The following TFEC variants were observed in gnomAD, a reference collection of about 807,000 sequenced individuals.
TFEC encodes the protein class E basic helix-loop-helix protein 34.
In TFEC, 31 loss-of-function variants were observed where a neutral mutation model predicts 41.6. The ratio of observed to expected loss-of-function variants is 0.74; its 90% confidence interval spans 0.56 to 1.01. The LOEUF (loss-of-function observed/expected upper bound fraction) is 1.01, where lower values mean the gene tolerates loss of function less well. Among genes scored for constraint, TFEC ranks in the 50% least tolerant of loss-of-function variants. The probability of loss-of-function intolerance (pLI) is 0.00; values close to 1 mark genes in which losing one functional copy is unlikely to be tolerated. For missense variants in TFEC, 402 were observed against 404.1 expected (o/e 0.99, Z 0.04); for synonymous variants, 143 against 140.6 (o/e 1.02, Z -0.12).
At chr7:116,005,067 C>T (rs943816930) in intron 1 of TFEC, among the ~76,000 whole-genome samples, 7 of 152,186 alleles carry the variant, frequency 4.6e-5, no homozygotes, top group African/African-American at 1.7e-4. Flanking sequence ...GATTGTGAGG[C>T]CTCCCCAGCC....
chr7:116,013,233 T>G (rs11980335), intron 1 of TFEC, among the ~76,000 whole-genome samples: 57,170 of 151,774 alleles, frequency 0.38, 11,595 homozygotes, highest in Non-Finnish European at 0.46. Context: ...TGAATTTTTG[T>G]GTTTTAAATG....
intron 1 of TFEC, among the ~76,000 whole-genome samples, chr7:116,016,115 C>T (rs1478796725): frequency 1.3e-5 from 2 of 152,084 alleles, no homozygotes; most frequent in Non-Finnish European, 2.9e-5. Flanking sequence ...CATCACAAAG[C>T]TAATGTAGGA....
chr7:116,012,264 A>G (rs1039433005), intron 1 of TFEC, among the ~76,000 whole-genome samples: 2 of 152,194 alleles, frequency 1.3e-5, no homozygotes, highest in Non-Finnish European at 2.9e-5. Flanking sequence ...TTTATTAAGA[A>G]GGCTTTTATA....
intron 3 of TFEC, among the ~76,000 whole-genome samples, chr7:116,056,141 T>C (rs1049677913): frequency 2.6e-5 from 4 of 151,960 alleles, no homozygotes; most frequent in Admixed American, 2.0e-4. Flanking sequence ...TTCAAGAGAC[T>C]AGACATCATC....
intron 2 of TFEC, among the ~76,000 whole-genome samples, chr7:115,976,265 A>G (rs527374146): frequency 6.6e-6 from 1 of 152,054 alleles, no homozygotes; most frequent in South Asian, 2.1e-4. Flanking sequence ...CTCTACTGAA[A>G]AATACAAAAA....
chr7:116,098,362 T>G (rs1375977707), intron 3 of TFEC, among the ~76,000 whole-genome samples: 1 of 152,046 alleles, frequency 6.6e-6, no homozygotes, highest in African/African-American at 2.4e-5. Context: ...TTTCACTGTG[T>G]TGCCTAGACT....
At chr7:116,139,858 C>G (rs1321389899) in intron 1 of TFEC, among the ~76,000 whole-genome samples, 2 of 152,094 alleles carry the variant, frequency 1.3e-5, no homozygotes, top group African/African-American at 4.8e-5. Flanking sequence ...ATAGGATAAA[C>G]AGAAGATAGA....
intron 1 of TFEC, among the ~76,000 whole-genome samples, chr7:116,021,410 G>A (rs938766595): frequency 1.3e-5 from 2 of 152,108 alleles, no homozygotes; most frequent in African/African-American, 4.8e-5. Context: ...CCACAACAGG[G>A]TAGAGTTTCA....
chr7:116,033,549 T>A (rs2130900084), upstream of TFEC, among the ~76,000 whole-genome samples: 1 of 152,204 alleles, frequency 6.6e-6, no homozygotes, highest in South Asian at 2.1e-4. Flanking sequence ...CCATTCTCCA[T>A]CCTCCATGTC....
chr7:116,021,690 A>G (rs989637174), intron 1 of TFEC, among the ~76,000 whole-genome samples: 2 of 152,174 alleles, frequency 1.3e-5, no homozygotes, highest in Admixed American at 6.5e-5. Flanking sequence ...GACCACTTCA[A>G]CCTGACAGGC....
chr7:115,944,649 G>A (rs553432060), intron 6 of TFEC, among the ~76,000 whole-genome samples: 2 of 151,638 alleles, frequency 1.3e-5, no homozygotes, highest in South Asian at 2.2e-4. Flanking sequence ...ATCATGAGCT[G>A]GAAAGGTACT....
chr7:116,152,917 C>T (rs1798790282), intron 1 of TFEC, among the ~76,000 whole-genome samples: 1 of 152,030 alleles, frequency 6.6e-6, no homozygotes, highest in Admixed American at 6.6e-5. Flanking sequence ...TCAACAAAAA[C>T]TGACCAATGA....
At chr7:116,003,251 T>A (rs994301849) in intron 1 of TFEC, among the ~76,000 whole-genome samples, 5 of 150,530 alleles carry the variant, frequency 3.3e-5, no homozygotes, top group South Asian at 2.1e-4. Flanking sequence ...ACTTTAAATT[T>A]AAAAAAAAAA....
At chr7:115,977,745 A>G (rs999626329) in intron 2 of TFEC, among the ~76,000 whole-genome samples, 1 of 152,062 alleles carries the variant, frequency 6.6e-6, no homozygotes, top group Non-Finnish European at 1.5e-5. Flanking sequence ...ATGTATTTCT[A>G]TAGATAAGTA....
intron 1 of TFEC, among the ~76,000 whole-genome samples, chr7:115,992,765 T>C (rs555109047): frequency 2.0e-5 from 3 of 152,272 alleles, no homozygotes; most frequent in South Asian, 2.1e-4. Context: ...AGCCGAATTC[T>C]ACCAGAGGTA....
chr7:116,017,404 C>T (rs1584703245), intron 1 of TFEC, among the ~76,000 whole-genome samples: 1 of 151,856 alleles, frequency 6.6e-6, no homozygotes, highest in South Asian at 2.1e-4. Flanking sequence ...TTGTATTTTT[C>T]GTAGAGATGG....
chr7:115,948,491 G>A lies in TFEC; in HGVS notation c.515+2383C>T, dbSNP rs569091340. On this transcript the variant is annotated intron_variant, in intron 6 of 7. Transcript: ENST00000265440. ...TGAATCCAGCAGCACATCAAAAAGC[G>A]TATCCACCATGATCAAGTGGGCTTC... Among the ~76,000 whole-genome samples the A allele has an allele frequency of 6.4e-3, 968 of 152,040 alleles. 6 individuals are homozygous for A. Among genetic ancestry groups the A allele is most frequent in the Middle Eastern group, 0.02 (6 of 294 alleles).
At chr7:115,969,424 A>C (rs1362037479) in intron 3 of TFEC, among the ~76,000 whole-genome samples, 1 of 151,952 alleles carries the variant, frequency 6.6e-6, no homozygotes, top group African/African-American at 2.4e-5. Context: ...CCCCTTTGAC[A>C]AGCTGACATT....
chr7:116,009,803 G>A (rs1794932604), intron 1 of TFEC, among the ~76,000 whole-genome samples: 1 of 152,128 alleles, frequency 6.6e-6, no homozygotes, highest in Admixed American at 6.6e-5. Context: ...GTCAAACATG[G>A]TCTCTCTCCT....
Sources: allele counts gnomAD v4.1 joint callset (sites outside exome capture counted in the v4.1 genomes callset), GRCh38; gene constraint gnomAD v4.1.1; transcripts MANE v1.5; gene names NCBI Gene and HGNC (gene_info 2026-07-23, HGNC 2026-07-21).